The following NCKAP5 variants were observed in gnomAD, a reference collection of about 807,000 sequenced individuals.
The protein encoded by NCKAP5 is NCK associated protein 5, also known as nck-associated protein 5.
NCKAP5 carries 92 observed loss-of-function variants against 167.0 expected under a neutral mutation model. The observed-to-expected ratio is 0.55, with a 90% confidence interval of 0.47 to 0.66. The LOEUF (loss-of-function observed/expected upper bound fraction) is 0.66, where lower values mean the gene tolerates loss of function less well. NCKAP5 is among the 30% of genes least tolerant of loss of function. NCKAP5 has a pLI of 0.00. For synonymous variants in NCKAP5, 891 were observed against 877.4 expected (o/e 1.02, Z -0.27); for missense variants, 2,378 against 2,315.0 (o/e 1.03, Z -0.56).
intron 5 of NCKAP5, among the ~76,000 whole-genome samples, chr2:133,153,572 C>T (rs2083456150): frequency 6.6e-6 from 1 of 152,030 alleles, no homozygotes; most frequent in Admixed American, 6.6e-5. Context: ...ATCACAAAGC[C>T]CTTAATTTTC....
At chr2:133,391,148 C>G (rs1424037831) in intron 3 of NCKAP5, 1 of 152,176 alleles carries the variant, frequency 6.6e-6, no homozygotes, top group Admixed American at 6.5e-5. Context: ...CTGAGGAACC[C>G]TGAGGCTCAA....
At chr2:133,008,648 T>A (rs1407578054) in intron 6 of NCKAP5, among the ~76,000 whole-genome samples, 1 of 152,162 alleles carries the variant, frequency 6.6e-6, no homozygotes, top group Non-Finnish European at 1.5e-5. Flanking sequence ...AATACGCAAC[T>A]TAAGACACCT....
At chr2:133,398,828 G>C (rs1001360379) in intron 3 of NCKAP5, among the ~76,000 whole-genome samples, 1 of 152,074 alleles carries the variant, frequency 6.6e-6, no homozygotes, top group African/African-American at 2.4e-5. Context: ...AGCATGGGAG[G>C]GCACAGCACC....
intron 7 of NCKAP5, among the ~76,000 whole-genome samples, chr2:132,989,979 T>C (rs16844933): frequency 0.049 from 7,441 of 151,984 alleles, 488 homozygotes; most frequent in East Asian, 0.38. Context: ...CACCAAGCAT[T>C]GAGTTCCATG....
At chr2:133,599,617 C>T in the NCKAP5 span, among the ~76,000 whole-genome samples, 1 of 152,124 alleles carries the variant, frequency 6.6e-6, no homozygotes, top group Non-Finnish European at 1.5e-5. Context: ...CTTCACTGAC[C>T]TAAAGCAGGC....
chr2:133,564,382 T>C (rs1051305569), intron 1 of NCKAP5, among the ~76,000 whole-genome samples: 1 of 152,222 alleles, frequency 6.6e-6, no homozygotes, highest in African/African-American at 2.4e-5. Flanking sequence ...CCATCAACCA[T>C]GTATCCATAC....
chr2:133,567,552 C>T (rs1264159719), intron 1 of NCKAP5, among the ~76,000 whole-genome samples: 1 of 152,130 alleles, frequency 6.6e-6, no homozygotes, highest in Non-Finnish European at 1.5e-5. Flanking sequence ...CAAGTCAGAA[C>T]ATTGAACATT....
At chr2:133,417,123 T>TAAA (rs55760727) in intron 3 of NCKAP5, among the ~76,000 whole-genome samples, 2 of 139,352 alleles carry the variant, frequency 1.4e-5, no homozygotes, top group African/African-American at 2.6e-5. Context: ...GAAAGTATGT[T>TAAA]AAAAAAAAAA....
chr2:133,064,367 A>T (rs769156717), intron 6 of NCKAP5, among the ~76,000 whole-genome samples: 2 of 152,240 alleles, frequency 1.3e-5, no homozygotes, highest in Admixed American at 6.5e-5. Context: ...TTTGTGTAGG[A>T]GAAGAAATCT....
intron 3 of NCKAP5, among the ~76,000 whole-genome samples, chr2:133,386,953 A>C (rs1457361365): frequency 6.6e-6 from 1 of 151,976 alleles, no homozygotes; most frequent in Admixed American, 6.6e-5. Context: ...TGCACATGAG[A>C]TGGGTTTCCT....
intron 5 of NCKAP5, among the ~76,000 whole-genome samples, chr2:133,148,598 A>C: frequency 6.6e-6 from 1 of 152,098 alleles, no homozygotes; most frequent in East Asian, 1.9e-4. Flanking sequence ...TAAAGAACAG[A>C]ACTTTATTTC....
At chr2:132,691,385 G>T (rs550269176) in intron 19 of NCKAP5, among the ~76,000 whole-genome samples, 54 of 152,128 alleles carry the variant, frequency 3.5e-4, no homozygotes, top group Admixed American at 2.6e-3. Flanking sequence ...TATAAGGTCC[G>T]ATATAAGTGG....
At chr2:133,450,004 T>C (rs538161086) in intron 3 of NCKAP5, among the ~76,000 whole-genome samples, 2,391 of 152,168 alleles carry the variant, frequency 0.016, 47 homozygotes, top group East Asian at 0.066. Context: ...CCATGATCAG[T>C]TGCACAAGGC....
At chr2:133,562,030 G>A (rs1558787163) in intron 1 of NCKAP5, among the ~76,000 whole-genome samples, 1 of 151,938 alleles carries the variant, frequency 6.6e-6, no homozygotes, top group South Asian at 2.1e-4. Context: ...TTGAAGAATA[G>A]GGATGCTCTG....
At chr2:132,708,462 T>C (rs1167025703) in intron 19 of NCKAP5, among the ~76,000 whole-genome samples, 1 of 152,038 alleles carries the variant, frequency 6.6e-6, no homozygotes, top group Non-Finnish European at 1.5e-5. Flanking sequence ...GGGAAGAGAC[T>C]CCTTGGTTTG....
chr2:133,646,348 G>C, the NCKAP5 span, among the ~76,000 whole-genome samples: 1 of 152,118 alleles, frequency 6.6e-6, no homozygotes, highest in South Asian at 2.1e-4. Flanking sequence ...AGAAAATAGT[G>C]ACTTGTCACA....
intron 5 of NCKAP5, among the ~76,000 whole-genome samples, chr2:133,193,355 T>C (rs2085309949): frequency 6.6e-6 from 1 of 152,034 alleles, no homozygotes; most frequent in Non-Finnish European, 1.5e-5. Flanking sequence ...ACTGATACCA[T>C]GATTTTGGTA....
chr2:132,976,605 C>T (rs1363738786), intron 7 of NCKAP5, among the ~76,000 whole-genome samples: 2 of 148,012 alleles, frequency 1.4e-5, no homozygotes, highest in Non-Finnish European at 3.0e-5. Flanking sequence ...AGTAAGTATA[C>T]TTAACAATGT....
intron 8 of NCKAP5, among the ~76,000 whole-genome samples, chr2:132,924,572 T>C (rs1034245562): frequency 8.5e-5 from 13 of 152,180 alleles, no homozygotes; most frequent in Admixed American, 7.9e-4. Flanking sequence ...TATTCTCTTA[T>C]CAACATAGGC....
Sources: gnomAD v4.1 joint callset for allele counts (sites outside exome capture counted in the v4.1 genomes callset) on GRCh38, gnomAD v4.1.1 for gene constraint, MANE v1.5 for transcripts, NCBI Gene and HGNC (gene_info 2026-07-23, HGNC 2026-07-21) for gene names.